Variants in NTM observed in about 807,000 individuals in gnomAD.
NTM encodes the protein IgLON family member 2.
NTM carries 13 observed loss-of-function variants against 42.1 expected under a neutral mutation model. The ratio of observed to expected loss-of-function variants is 0.31; its 90% CI spans 0.20 to 0.49. The LOEUF is 0.49. NTM is among the 20% of genes least tolerant of loss of function. The probability of loss-of-function intolerance (pLI) is 0.99; values close to 1 mark genes in which losing one functional copy is unlikely to be tolerated. For missense variants in NTM, 373 were observed against 452.8 expected (o/e 0.82, Z 1.60); for synonymous variants, 187 against 179.2 (o/e 1.04, Z -0.35).
chr11:131,906,081 A>G (rs1269307026), intron 1 of NTM, among the ~76,000 whole-genome samples: 2 of 152,194 alleles, frequency 1.3e-5, no homozygotes, highest in African/African-American at 4.8e-5. Flanking sequence ...ACGCAACTCA[A>G]GGGCAGGGGC....
Position 131,881,819 on chromosome 11 carries a change from T to A in NTM, c.83-29745T>A, listed in dbSNP as rs561652818. ...GAACAGGACAGGTGAAGATGAGAAG[T>A]GACCTGCATTCTTGAAGAGACAGGG... On this transcript the variant is annotated intron_variant, in intron 1 of 8. Coordinates refer to ENST00000683400, the MANE Select transcript of NTM (RefSeq NM_001352005.2). Among the ~76,000 whole-genome samples the A allele has an allele frequency of 2.0e-5, 3 of 152,312 alleles. No individual in the cohort carries two copies. The East Asian group carries it at 5.8e-4, about 29-fold the overall frequency.
chr11:131,972,718 G>A (rs1384345066), intron 2 of NTM, among the ~76,000 whole-genome samples: 1 of 152,088 alleles, frequency 6.6e-6, no homozygotes, highest in Non-Finnish European at 1.5e-5. Flanking sequence ...GTTTCCATAA[G>A]GCTCTCAATA....
chr11:132,310,266 C>T, intron 6 of NTM, 34 bp downstream of exon 6: 1 of 1,539,390 alleles, frequency 6.5e-7, no homozygotes, highest in Non-Finnish European at 8.7e-7. Flanking sequence ...CCACCCCTAC[C>T]CCCATCTCCA....
At chr11:131,464,458 G>C (rs1359067929) in intron 1 of NTM, among the ~76,000 whole-genome samples, 1 of 152,108 alleles carries the variant, frequency 6.6e-6, no homozygotes, top group African/African-American at 2.4e-5. Context: ...ACATTCACAG[G>C]TTATAAATTA....
chr11:131,387,420 G>T (rs1348864523), intron 1 of NTM, among the ~76,000 whole-genome samples: 1 of 152,246 alleles, frequency 6.6e-6, no homozygotes, highest in South Asian at 2.1e-4. Context: ...TACCTTTGCA[G>T]GAGCTGCTCT....
chr11:131,796,096 C>A, intron 1 of NTM: 1 of 985,314 alleles, frequency 1.0e-6, no homozygotes, highest in Non-Finnish European at 1.2e-6. Context: ...GTTATTTTCC[C>A]GGGGGAAATC....
intron 1 of NTM, among the ~76,000 whole-genome samples, chr11:131,543,344 A>AGAGAACAGACTG (rs1033591248): frequency 2.0e-5 from 3 of 152,208 alleles, no homozygotes; most frequent in Non-Finnish European, 4.4e-5. Flanking sequence ...CAGAGAAACA[A>AGAGAACAGACTG]GAGAACAGAC....
chr11:132,219,379 T>C (rs1197778149), intron 4 of NTM, among the ~76,000 whole-genome samples: 1 of 152,182 alleles, frequency 6.6e-6, no homozygotes, highest in African/African-American at 2.4e-5. Context: ...TAATGCTGTT[T>C]TGTCTTTAGT....
chr11:131,668,571 G>C (rs576342211), intron 1 of NTM, among the ~76,000 whole-genome samples: 1 of 152,114 alleles, frequency 6.6e-6, no homozygotes, highest in South Asian at 2.1e-4. Context: ...GTCTAAAGCA[G>C]AGACTTAAGA....
chr11:132,051,945 C>G (rs1003989631), intron 2 of NTM, among the ~76,000 whole-genome samples: 1 of 152,146 alleles, frequency 6.6e-6, no homozygotes, highest in Non-Finnish European at 1.5e-5. Context: ...AGTGAGCTCA[C>G]TGAGGGATGT....
intron 1 of NTM, among the ~76,000 whole-genome samples, chr11:131,748,397 A>C (rs759904727): frequency 1.3e-5 from 2 of 152,242 alleles, no homozygotes; most frequent in Non-Finnish European, 2.9e-5. Flanking sequence ...CAGCCGGCTA[A>C]CTTGGAAAGA....
At chr11:132,080,406 A>T (rs1043530092) in intron 2 of NTM, among the ~76,000 whole-genome samples, 2 of 152,292 alleles carry the variant, frequency 1.3e-5, no homozygotes, top group South Asian at 2.1e-4. Flanking sequence ...TGCCAAAAAG[A>T]TCATCACTGG....
chr11:132,137,125 C>G (rs2068083012), intron 2 of NTM, among the ~76,000 whole-genome samples: 1 of 151,854 alleles, frequency 6.6e-6, no homozygotes, highest in African/African-American at 2.4e-5. Context: ...AGTGTAATTG[C>G]AAAAAAAAGT....
intron 1 of NTM, among the ~76,000 whole-genome samples, chr11:131,413,755 G>A (rs2135772923): frequency 6.6e-6 from 1 of 152,336 alleles, no homozygotes; most frequent in African/African-American, 2.4e-5. Flanking sequence ...TTCCTGCCGT[G>A]TGGGCAGCAG....
At chr11:132,080,302 T>C (rs115863883) in intron 2 of NTM, among the ~76,000 whole-genome samples, 2,267 of 152,360 alleles carry the variant, frequency 0.015, 73 homozygotes, top group African/African-American at 0.053. Flanking sequence ...GTGCAGTCAC[T>C]GCAGCAGGCA....
intron 1 of NTM, among the ~76,000 whole-genome samples, chr11:131,700,786 A>G (rs2075994937): frequency 6.6e-6 from 1 of 152,222 alleles, no homozygotes; most frequent in Non-Finnish European, 1.5e-5. Context: ...CAGGTGCTCA[A>G]ACATGAAACC....
chr11:131,680,807 G>GTC (rs1592516461), intron 1 of NTM, among the ~76,000 whole-genome samples: 30 of 17,982 alleles, frequency 1.7e-3, no homozygotes, highest in African/African-American at 3.2e-3. Context: ...GTGTGTGTGT[G>GTC]TGTGTATGTG....
At chr11:131,717,780 T>C (rs2077878725) in intron 1 of NTM, among the ~76,000 whole-genome samples, 1 of 152,222 alleles carries the variant, frequency 6.6e-6, no homozygotes, top group African/African-American at 2.4e-5. Flanking sequence ...ATGGAGATTC[T>C]TGTCTTGTTC....
Position 131,688,049 on chromosome 11 carries a change from C to G in NTM, c.83-223515C>G, listed in dbSNP as rs189274914. 4.1e-4 allele frequency among the ~76,000 whole-genome samples: 62 copies of G among 152,376 alleles called. No homozygotes were observed. In the East Asian group the frequency reaches 0.011, roughly 26 times the overall value. On this transcript the variant is annotated intron_variant, in intron 1 of 8. Coordinates refer to ENST00000683400, the MANE Select transcript of NTM (RefSeq NM_001352005.2). ...CCCAGGAGTTATTATTGCACTGACA[C>G]TGCAGCAGGCTAATAAACCCCGGAG...
Sources: allele counts gnomAD v4.1 joint callset (sites outside exome capture counted in the v4.1 genomes callset), GRCh38; gene constraint gnomAD v4.1.1; transcripts MANE v1.5; gene names NCBI Gene and HGNC (gene_info 2026-07-23, HGNC 2026-07-21).